Variants in FBXO25 observed in about 807,000 individuals in gnomAD.
The protein encoded by FBXO25 is F-box only protein 25.
Under a neutral mutation model 51.9 loss-of-function variants are expected in FBXO25, and 45 were observed. The observed-to-expected ratio is 0.87, with a 90% CI of 0.68 to 1.11. The LOEUF (loss-of-function observed/expected upper bound fraction) is 1.11. FBXO25 is among the 50% of genes most tolerant of loss of function. The pLI is 0.00. For missense variants in FBXO25, 507 were observed against 428.5 expected (o/e 1.18, Z -1.62); for synonymous variants, 199 against 151.0 (o/e 1.32, Z -2.33).
intron 2 of FBXO25, among the ~76,000 whole-genome samples, chr8:419,466 G>T (rs937710359): frequency 2.6e-5 from 4 of 152,220 alleles, no homozygotes; most frequent in African/African-American, 9.6e-5. Context: ...ACACAGGTCA[G>T]TGGAACACAA....
intron 2 of FBXO25, among the ~76,000 whole-genome samples, chr8:429,999 T>A (rs1307028534): frequency 2.6e-5 from 4 of 152,242 alleles, no homozygotes; most frequent in Admixed American, 1.3e-4. Flanking sequence ...GGGATATCTT[T>A]AGGTTCACCT....
At chr8:408,147 T>C (rs1425649933) in intron 1 of FBXO25, among the ~76,000 whole-genome samples, 1 of 152,218 alleles carries the variant, frequency 6.6e-6, no homozygotes, top group Admixed American at 6.5e-5. Flanking sequence ...TGCCATTTTT[T>C]AAAATGTCCT....
At chr8:417,708 T>C (rs1173302736) in intron 2 of FBXO25, among the ~76,000 whole-genome samples, 1 of 152,226 alleles carries the variant, frequency 6.6e-6, no homozygotes, top group Non-Finnish European at 1.5e-5. Context: ...TTTCCTCCAC[T>C]TGTATTTCCT....
chr8:411,085 T>A (rs1414860042), intron 1 of FBXO25, among the ~76,000 whole-genome samples: 1 of 152,208 alleles, frequency 6.6e-6, no homozygotes, highest in Non-Finnish European at 1.5e-5. Flanking sequence ...TCATTTATTC[T>A]CCATGATGTA....
Position 474,532 on chromosome 8 carries a change from C to T in FBXO25, c.*5728C>T, listed in dbSNP as rs1179342699. ...ATTCCCACTGAAGGTTCCAGTTTTG[C>T]CACATCCTTGCCAACACCTGTTTTT... On this transcript the variant is annotated 3_prime_UTR_variant, in exon 10 of 10. Coordinates refer to ENST00000350302, the MANE Select transcript of FBXO25 (RefSeq NM_183420.2). The T allele has an allele frequency of 5.8e-6, 2 of 344,864 alleles. No individual in the cohort carries two copies. The highest frequency in any genetic ancestry group is 2.3e-5 in the South Asian group (1 of 44,034). The allele number at this position is 344,864 out of a possible 1,614,324, so 21.4% of individuals were successfully genotyped here. A position where few individuals can be genotyped will look rare whatever the true frequency, so the allele number is the denominator to read the frequency against.
At chr8:457,012 C>G (rs1446682091) in intron 7 of FBXO25, among the ~76,000 whole-genome samples, 1 of 151,470 alleles carries the variant, frequency 6.6e-6, no homozygotes, top group African/African-American at 2.5e-5. Flanking sequence ...AATAGATGGT[C>G]ACTGTGCTTT....
At chr8:409,388 C>T (rs1584990158) in intron 1 of FBXO25, among the ~76,000 whole-genome samples, 2 of 152,180 alleles carry the variant, frequency 1.3e-5, no homozygotes, top group South Asian at 4.1e-4. Context: ...TCCATGGCTG[C>T]ATTTCACTCC....
chr8:431,987 C>G (rs1247081200), intron 3 of FBXO25, among the ~76,000 whole-genome samples: 1 of 152,104 alleles, frequency 6.6e-6, no homozygotes, highest in East Asian at 1.9e-4. Flanking sequence ...TACTACCAAA[C>G]CTTATGGATA....
intron 7 of FBXO25, 81 bp from the exon 8 acceptor site, chr8:458,288 A>G: frequency 1.4e-6 from 2 of 1,481,222 alleles, no homozygotes; most frequent in Non-Finnish European, 1.8e-6. Flanking sequence ...TGAAGCATTC[A>G]TTCCAGCTTG....
At chr8:416,876 G>A (rs1472194772) in intron 2 of FBXO25, among the ~76,000 whole-genome samples, 2 of 152,202 alleles carry the variant, frequency 1.3e-5, no homozygotes, top group Non-Finnish European at 2.9e-5. Context: ...GATGAGTTCC[G>A]CAGTGTAGTA....
At chr8:421,335 G>A (rs766032638) in intron 2 of FBXO25, among the ~76,000 whole-genome samples, 3 of 152,200 alleles carry the variant, frequency 2.0e-5, no homozygotes, top group Non-Finnish European at 2.9e-5. Context: ...GTGCCAAAAC[G>A]GTTAGGGAAT....
chr8:426,923 C>G (rs1797524983), intron 2 of FBXO25, among the ~76,000 whole-genome samples: 1 of 151,962 alleles, frequency 6.6e-6, no homozygotes, highest in Admixed American at 6.6e-5. Context: ...AATGTTAATG[C>G]TAAAAATAGG....
intron 2 of FBXO25, among the ~76,000 whole-genome samples, chr8:414,443 G>A (rs1796673817): frequency 6.6e-6 from 1 of 152,020 alleles, no homozygotes; most frequent in Non-Finnish European, 1.5e-5. Flanking sequence ...TTTAGGATGG[G>A]GAGATATATT....
intron 5 of FBXO25, among the ~76,000 whole-genome samples, chr8:449,688 C>T (rs1798958149): frequency 6.6e-6 from 1 of 152,200 alleles, no homozygotes; most frequent in African/African-American, 2.4e-5. Flanking sequence ...AAGCTAAAAG[C>T]TCCATTTCAG....
chr8:419,188 C>A (rs1282666454), intron 2 of FBXO25, among the ~76,000 whole-genome samples: 1 of 151,298 alleles, frequency 6.6e-6, no homozygotes, highest in East Asian at 1.9e-4. Context: ...GGTGAAACCC[C>A]GTCTCTACTA....
chr8:445,602 C>T (rs1393844848), intron 5 of FBXO25, among the ~76,000 whole-genome samples: 1 of 152,176 alleles, frequency 6.6e-6, no homozygotes, highest in Non-Finnish European at 1.5e-5. Context: ...CCTATAATCC[C>T]AGCACTTTGG....
At chr8:432,472 G>A (rs1345638010) in intron 3 of FBXO25, among the ~76,000 whole-genome samples, 1 of 152,228 alleles carries the variant, frequency 6.6e-6, no homozygotes, top group Non-Finnish European at 1.5e-5. Flanking sequence ...AGGGTCACAT[G>A]GAGAATACAG....
At chr8:467,200 G>C (rs7002546) in intron 9 of FBXO25, among the ~76,000 whole-genome samples, 29,246 of 152,112 alleles carry the variant, frequency 0.19, 3,000 homozygotes, top group Middle Eastern at 0.26. Flanking sequence ...GTCTGTGTTG[G>C]AAAGTGGCAT....
At chr8:460,755 T>C (rs1799756265) in intron 8 of FBXO25, among the ~76,000 whole-genome samples, 1 of 152,244 alleles carries the variant, frequency 6.6e-6, no homozygotes, top group Non-Finnish European at 1.5e-5. Flanking sequence ...CTCTAGGAAC[T>C]ATTGTTTTAA....
Sources: allele counts gnomAD v4.1 joint callset (sites outside exome capture counted in the v4.1 genomes callset), GRCh38; gene constraint gnomAD v4.1.1; transcripts MANE v1.5; gene names NCBI Gene and HGNC (gene_info 2026-07-23, HGNC 2026-07-21).